ERBB4: variants seen among roughly 807,000 people sequenced by gnomAD.
The protein encoded by ERBB4 is receptor tyrosine-protein kinase erbB-4.
Under a neutral mutation model 158.0 loss-of-function variants are expected in ERBB4, and 42 were observed. The observed-to-expected ratio is 0.27, with a 90% CI of 0.21 to 0.34. The LOEUF (loss-of-function observed/expected upper bound fraction) is 0.34. Ranked by LOEUF, ERBB4 falls within the 10% of genes least tolerant of loss-of-function variation. ERBB4 has a pLI of 1.00. For synonymous variants in ERBB4, 583 were observed against 558.7 expected (o/e 1.04, Z -0.61); for missense variants, 1,333 against 1,624.1 (o/e 0.82, Z 3.08).
At chr2:212,394,531 G>A (rs1246240688) in intron 1 of ERBB4, among the ~76,000 whole-genome samples, 1 of 151,886 alleles carries the variant, frequency 6.6e-6, no homozygotes, top group Non-Finnish European at 1.5e-5. Context: ...TTTAAAATGT[G>A]CATTTTAGAA....
intron 4 of ERBB4, among the ~76,000 whole-genome samples, chr2:211,773,627 TATATA>T (rs1304840448): frequency 5.7e-5 from 3 of 52,284 alleles, no homozygotes; most frequent in African/African-American, 1.9e-4. Context: ...TATATATATA[TATATA>T]TATATATATA....
At chr2:212,444,020 G>C (rs772647967) in intron 1 of ERBB4, among the ~76,000 whole-genome samples, 1 of 152,034 alleles carries the variant, frequency 6.6e-6, no homozygotes, top group Non-Finnish European at 1.5e-5. Context: ...TGGTATATAC[G>C]TGACTGGGCT....
intron 14 of ERBB4, among the ~76,000 whole-genome samples, chr2:211,667,944 C>T (rs1488092930): frequency 1.3e-5 from 2 of 152,074 alleles, no homozygotes; most frequent in Admixed American, 1.3e-4. Flanking sequence ...GGGATATATT[C>T]TGAGCAATGC....
intron 20 of ERBB4, among the ~76,000 whole-genome samples, chr2:211,536,559 A>T (rs2066659948): frequency 6.6e-6 from 1 of 152,008 alleles, no homozygotes; most frequent in African/African-American, 2.4e-5. Context: ...AGTGTGGGAA[A>T]ATAGGAAATA....
At chr2:211,978,365 T>TCTGTCTGC (rs2081681195) in intron 2 of ERBB4, among the ~76,000 whole-genome samples, 1 of 106,692 alleles carries the variant, frequency 9.4e-6, no homozygotes, top group Admixed American at 9.2e-5. Context: ...GGAGTCTGAG[T>TCTGTCTGC]CTGTCTGTCT....
At chr2:212,039,175 A>G (rs2077082949) in intron 2 of ERBB4, among the ~76,000 whole-genome samples, 1 of 152,172 alleles carries the variant, frequency 6.6e-6, no homozygotes, top group South Asian at 2.1e-4. Flanking sequence ...TTCTGCTTTC[A>G]TGATACCCAG....
intron 3 of ERBB4, among the ~76,000 whole-genome samples, chr2:211,856,366 C>CTATTCATTTATT (rs376233028): frequency 4.3e-5 from 6 of 140,642 alleles, no homozygotes; most frequent in Non-Finnish European, 9.2e-5. Context: ...CTTGTAATTT[C>CTATTCATTTATT]TATTTATTTA....
chr2:211,713,458 T>A (rs2073781703), intron 8 of ERBB4, 77 bp downstream of exon 8: 3 of 837,206 alleles, frequency 3.6e-6, no homozygotes, highest in Non-Finnish European at 6.2e-6. Context: ...TATTAAAAAG[T>A]TGGTCTACTT....
At chr2:211,949,960 A>C (rs574223836) in intron 2 of ERBB4, among the ~76,000 whole-genome samples, 1 of 152,262 alleles carries the variant, frequency 6.6e-6, no homozygotes, top group South Asian at 2.1e-4. Context: ...AAGTTCAAGC[A>C]CTTTGGTTTG....
At chr2:211,699,945 CT>C (rs1274573206) in intron 12 of ERBB4, among the ~76,000 whole-genome samples, 9 of 152,080 alleles carry the variant, frequency 5.9e-5, no homozygotes, top group African/African-American at 1.9e-4. Flanking sequence ...TTCCCATTTG[CT>C]TTTTAATTCA....
chr2:212,053,882 A>C (rs1211917939), intron 2 of ERBB4, among the ~76,000 whole-genome samples: 2 of 152,190 alleles, frequency 1.3e-5, no homozygotes, highest in African/African-American at 4.8e-5. Flanking sequence ...CTGCATTCTC[A>C]AGAAACACTT....
chr2:211,712,427 G>C (rs1450342966), intron 8 of ERBB4, among the ~76,000 whole-genome samples: 1 of 151,994 alleles, frequency 6.6e-6, no homozygotes, highest in Non-Finnish European at 1.5e-5. Context: ...TTTATATCAA[G>C]ACCCAGTATA....
chr2:211,386,537 C>T (rs2062688177), intron 27 of ERBB4, among the ~76,000 whole-genome samples: 1 of 152,152 alleles, frequency 6.6e-6, no homozygotes, highest in African/African-American at 2.4e-5. Flanking sequence ...CTACTTCATT[C>T]AAATATTTCA....
intron 3 of ERBB4, among the ~76,000 whole-genome samples, chr2:211,820,596 C>T (rs942466481): frequency 6.6e-6 from 1 of 151,714 alleles, no homozygotes; most frequent in Non-Finnish European, 1.5e-5. Flanking sequence ...GCCAGTATAA[C>T]CCTGATACTA....
chr2:211,844,730 G>C (rs1416112659), intron 3 of ERBB4, among the ~76,000 whole-genome samples: 1 of 152,134 alleles, frequency 6.6e-6, no homozygotes, highest in Non-Finnish European at 1.5e-5. Context: ...CACAATAATG[G>C]ATGATACATG....
chr2:212,418,480 T>C (rs2091711702), intron 1 of ERBB4, among the ~76,000 whole-genome samples: 1 of 151,338 alleles, frequency 6.6e-6, no homozygotes, highest in Admixed American at 6.6e-5. Context: ...ACTAGTTTTA[T>C]TGTAATTTTC....
At chr2:211,870,110 C>T (rs1461334065) in intron 3 of ERBB4, among the ~76,000 whole-genome samples, 1 of 152,050 alleles carries the variant, frequency 6.6e-6, no homozygotes, top group Non-Finnish European at 1.5e-5. Context: ...TATAGTTGCC[C>T]ATACAACTCT....
chr2:212,210,736 T>C (rs1484077519), intron 1 of ERBB4, among the ~76,000 whole-genome samples: 1 of 152,130 alleles, frequency 6.6e-6, no homozygotes, highest in Non-Finnish European at 1.5e-5. Flanking sequence ...CTTCACCACC[T>C]ACTCCTCAAT....
chr2:211,539,986 A>T (rs980342945), intron 20 of ERBB4, among the ~76,000 whole-genome samples: 1 of 152,070 alleles, frequency 6.6e-6, no homozygotes, highest in East Asian at 1.9e-4. Flanking sequence ...TTCATTTTAT[A>T]TGATGCTTTC....
Sources: gnomAD v4.1 joint callset for allele counts (sites outside exome capture counted in the v4.1 genomes callset) on GRCh38, gnomAD v4.1.1 for gene constraint, MANE v1.5 for transcripts, NCBI Gene and HGNC (gene_info 2026-07-23, HGNC 2026-07-21) for gene names.